Variants in TACC2 observed in about 807,000 individuals in gnomAD.
TACC2 encodes the protein transforming acidic coiled-coil-containing protein 2.
In TACC2, 137 loss-of-function variants were observed where a neutral mutation model predicts 227.3. The ratio of observed to expected loss-of-function variants is 0.60; its 90% CI spans 0.52 to 0.69. TACC2 has a LOEUF of 0.69. Ranked by LOEUF, TACC2 falls within the 30% of genes least tolerant of loss-of-function variation. The probability of loss-of-function intolerance (pLI) is 0.00; values close to 1 mark genes in which losing one functional copy is unlikely to be tolerated. For synonymous variants in TACC2, 1,523 were observed against 1,487.5 expected (o/e 1.02, Z -0.55); for missense variants, 3,470 against 3,694.4 (o/e 0.94, Z 1.57).
chr10:122,017,835 AAAAGACAAAG>A (rs1956857920), intron 1 of TACC2, among the ~76,000 whole-genome samples: 1 of 151,006 alleles, frequency 6.6e-6, no homozygotes, highest in Non-Finnish European at 1.5e-5. Flanking sequence ...AAAAAAAAAA[AAAAGACAAAG>A]AAAAGAAAAA....
At chr10:122,064,942 A>G (rs1373757660) in intron 3 of TACC2, among the ~76,000 whole-genome samples, 1 of 152,174 alleles carries the variant, frequency 6.6e-6, no homozygotes, top group African/African-American at 2.4e-5. Flanking sequence ...CTTCCCAGTC[A>G]ATACCCCTGC....
At chr10:122,017,671 G>A (rs1315919969) in intron 1 of TACC2, among the ~76,000 whole-genome samples, 1 of 151,880 alleles carries the variant, frequency 6.6e-6, no homozygotes, top group East Asian at 1.9e-4. Context: ...ACAAAAGTTA[G>A]TCTGGCGTGG....
At chr10:122,173,916 G>C (rs2140125986) in intron 7 of TACC2, among the ~76,000 whole-genome samples, 1 of 152,154 alleles carries the variant, frequency 6.6e-6, no homozygotes, top group East Asian at 1.9e-4. Context: ...CATGACCTGG[G>C]GCCAGCAGCC....
rs191157704 is a variant in TACC2 at position 122,047,849 on chromosome 10, A to G, written c.34-2589A>G. On this transcript the variant is annotated intron_variant, in intron 2 of 22. Transcript: ENST00000369005. ...TGTTGTTCTCTTTCCCCCACATTCT[A>G]TCCTTCAGCTAAAATGAAGGAAAAT... Among the ~76,000 whole-genome samples the G allele has an allele frequency of 5.0e-3, 765 of 152,314 alleles. 3 individuals are homozygous for G. The highest frequency in any genetic ancestry group is 9.0e-3 in the Non-Finnish European group (613 of 68,036).
chr10:122,071,030 C>T (rs1229210216), intron 3 of TACC2, among the ~76,000 whole-genome samples: 2 of 152,148 alleles, frequency 1.3e-5, no homozygotes, highest in East Asian at 3.9e-4. Context: ...TCTAGCTATA[C>T]AAGCAAAACT....
At chr10:122,134,407 A>ACC (rs1379449575) in intron 6 of TACC2, among the ~76,000 whole-genome samples, 1 of 151,198 alleles carries the variant, frequency 6.6e-6, no homozygotes, top group Admixed American at 6.6e-5. Flanking sequence ...CAAACTCCTG[A>ACC]CCCCCAGGTA....
At chr10:122,036,423 G>A (rs916846181) in intron 2 of TACC2, among the ~76,000 whole-genome samples, 1 of 151,128 alleles carries the variant, frequency 6.6e-6, no homozygotes, top group Non-Finnish European at 1.5e-5. Flanking sequence ...TCGATCTCCT[G>A]ACCTCGTGAT....
At chr10:122,052,877 C>A (rs528882481) in intron 3 of TACC2, among the ~76,000 whole-genome samples, 1 of 152,222 alleles carries the variant, frequency 6.6e-6, no homozygotes, top group Admixed American at 6.5e-5. Context: ...GTGAGTCCAT[C>A]GCTCCTGACG....
chr10:122,249,047 C>T lies in TACC2; in HGVS notation c.8554-3C>T. 1 of 1,611,450 alleles carries T rather than the reference C, an allele frequency of 6.2e-7. No homozygotes were observed. The highest frequency in any genetic ancestry group is 8.5e-7 in the Non-Finnish European group (1 of 1,178,816). On this transcript the variant is annotated splice_polypyrimidine_tract_variant and splice_region_variant and intron_variant, in intron 20 of 22. Transcript: ENST00000369005. ...ACGCCTGTCCTCTGCCCTGCTGTGT[C>T]AGAATGAAGAGGTGTTGAAGAGATG...
chr10:122,132,086 A>T (rs1056995154), intron 5 of TACC2, among the ~76,000 whole-genome samples: 14 of 147,030 alleles, frequency 9.5e-5, no homozygotes, highest in African/African-American at 3.4e-4. Context: ...AAGAAAGAGA[A>T]AGATCTACAA....
chr10:122,194,745 G>C lies in TACC2; in HGVS notation c.5835-295G>C, dbSNP rs558195360. On this transcript the variant is annotated intron_variant, in intron 7 of 22. Transcript: ENST00000369005. This position sits in a 1 kb window ranked among gnomAD's most constrained non-coding sequence, Gnocchi z 4.4. ...TTTGAATCAATACCTAATAATGAAC[G>C]CGTGCGGAAGTTCATCCAGAGTCCG... 6.6e-6 allele frequency among the ~76,000 whole-genome samples: 1 copy of C among 152,142 alleles called. No individual in the cohort carries two copies. Among genetic ancestry groups the C allele is most frequent in the African/African-American group, 2.4e-5 (1 of 41,422 alleles).
At chr10:122,043,952 G>T (rs1766149026) in intron 2 of TACC2, among the ~76,000 whole-genome samples, 1 of 152,200 alleles carries the variant, frequency 6.6e-6, no homozygotes, top group Admixed American at 6.5e-5. Context: ...CCATATAGAT[G>T]CTTCCCCGGC....
chr10:122,173,411 G>T (rs560161426), intron 7 of TACC2, among the ~76,000 whole-genome samples: 1 of 152,356 alleles, frequency 6.6e-6, no homozygotes, highest in African/African-American at 2.4e-5. Context: ...CCTGGGCTTT[G>T]GCTTGGCCCA....
At chr10:122,218,601 A>G (rs545777702) in intron 11 of TACC2, among the ~76,000 whole-genome samples, 3 of 152,282 alleles carry the variant, frequency 2.0e-5, no homozygotes, top group South Asian at 4.2e-4. Context: ...AAATTTGACA[A>G]TGAAAAGATG....
At chr10:122,004,127 G>A (rs1349642946) in intron 1 of TACC2, among the ~76,000 whole-genome samples, 1 of 152,064 alleles carries the variant, frequency 6.6e-6, no homozygotes, top group African/African-American at 2.4e-5. Flanking sequence ...GCCAGGCATG[G>A]TGGCTCACAC....
chr10:122,073,844 A>G (rs2078437047), intron 3 of TACC2, among the ~76,000 whole-genome samples: 1 of 152,068 alleles, frequency 6.6e-6, no homozygotes, highest in Non-Finnish European at 1.5e-5. Flanking sequence ...CAGTGGCGCA[A>G]TCTCGGCTTA....
At chr10:122,253,289 C>A (rs1443028859) in intron 22 of TACC2, among the ~76,000 whole-genome samples, 1 of 152,158 alleles carries the variant, frequency 6.6e-6, no homozygotes, top group Non-Finnish European at 1.5e-5. Flanking sequence ...TCAGAGCCAG[C>A]ATGTAACCTA....
chr10:122,181,553 G>A (rs1390470341), intron 7 of TACC2, among the ~76,000 whole-genome samples: 1 of 152,174 alleles, frequency 6.6e-6, no homozygotes, highest in Non-Finnish European at 1.5e-5. Flanking sequence ...CAAAGAAACT[G>A]AGGTCCAGGG....
intron 2 of TACC2, among the ~76,000 whole-genome samples, chr10:122,037,485 G>T (rs1230842759): frequency 6.6e-6 from 1 of 152,236 alleles, no homozygotes; most frequent in East Asian, 1.9e-4. Context: ...TCTGGGCTCA[G>T]CGGACTTGAG....
Sources: allele counts gnomAD v4.1 joint callset (sites outside exome capture counted in the v4.1 genomes callset), GRCh38; gene constraint gnomAD v4.1.1; non-coding constraint Gnocchi (gnomAD v3.1); transcripts MANE v1.5; gene names NCBI Gene and HGNC (gene_info 2026-07-23, HGNC 2026-07-21).